The following TTC29 variants were observed in gnomAD, a reference collection of about 807,000 sequenced individuals.
TTC29 encodes the protein tetratricopeptide repeat protein 29.
Under a neutral mutation model 58.1 loss-of-function variants are expected in TTC29, and 49 were observed. That is an observed-to-expected ratio of 0.84 (90% CI 0.67 to 1.07). The LOEUF is 1.07. Ranked by LOEUF, TTC29 falls within the 50% of genes least tolerant of loss-of-function variation. The probability of loss-of-function intolerance (pLI) is 0.00; values close to 1 mark genes in which losing one functional copy is unlikely to be tolerated. For synonymous variants in TTC29, 209 were observed against 196.8 expected, an observed-to-expected ratio of 1.06 and a Z score of -0.52; for missense variants, 582 against 555.6, an observed-to-expected ratio of 1.05 and a Z score of -0.48.
At chr4:146,927,131 G>A (rs1171902604) in intron 4 of TTC29, among the ~76,000 whole-genome samples, 2 of 150,670 alleles carry the variant, frequency 1.3e-5, no homozygotes, top group Non-Finnish European at 3.0e-5. Context: ...TTCAGCACAT[G>A]TATAAATGTG....
At chr4:146,845,640 T>A (rs1167060690) in intron 8 of TTC29, among the ~76,000 whole-genome samples, 1 of 152,128 alleles carries the variant, frequency 6.6e-6, no homozygotes, top group Non-Finnish European at 1.5e-5. Flanking sequence ...AATGTCAATA[T>A]CTACAACTAG....
At chr4:146,943,523 C>T (rs190900579) in intron 2 of TTC29, among the ~76,000 whole-genome samples, 1 of 151,854 alleles carries the variant, frequency 6.6e-6, no homozygotes, top group Non-Finnish European at 1.5e-5. Context: ...AACAGGCTTT[C>T]TCTTTGTTTC....
At chr4:146,914,036 G>A (rs1178738619) in intron 4 of TTC29, among the ~76,000 whole-genome samples, 1 of 152,066 alleles carries the variant, frequency 6.6e-6, no homozygotes, top group Non-Finnish European at 1.5e-5. Flanking sequence ...ATACAAATAT[G>A]CTACTGTTTA....
rs1433248453 is a variant in TTC29 at position 146,809,458 on chromosome 4, G to C, written c.1102-5773C>G. The stretch of plus-strand genomic sequence containing the variant: ...CATCAGAGTGAACAGACAACCTACA[G>C]AATGGGAGAAAATTTTTGCAATCTA... On this transcript the variant is annotated intron_variant, in intron 10 of 12. Transcript: ENST00000325106. Among the ~76,000 whole-genome samples, 2 of 149,598 alleles carry C rather than the reference G, an allele frequency of 1.3e-5. 1 individual carries two copies. Among genetic ancestry groups the C allele is most frequent in the East Asian group, 4.0e-4 (2 of 5,058 alleles).
At chr4:146,752,249 C>T (rs898604421) in intron 11 of TTC29, among the ~76,000 whole-genome samples, 8 of 150,268 alleles carry the variant, frequency 5.3e-5, no homozygotes, top group African/African-American at 1.7e-4. Context: ...GTACAAAAAT[C>T]ACAAGCATTC....
At chr4:146,877,142 A>C (rs1731319659) in intron 6 of TTC29, among the ~76,000 whole-genome samples, 2 of 152,078 alleles carry the variant, frequency 1.3e-5, no homozygotes, top group African/African-American at 4.8e-5. Context: ...CTTGTTACAT[A>C]AACAAGTGTT....
At chr4:146,936,626 A>T (rs186649926) in intron 4 of TTC29, among the ~76,000 whole-genome samples, 423 of 152,236 alleles carry the variant, frequency 2.8e-3, no homozygotes, top group Non-Finnish European at 5.0e-3. Flanking sequence ...AAATTTTGTC[A>T]TTCTATAAAG....
chr4:146,737,339 A>G (rs894834473), intron 11 of TTC29, among the ~76,000 whole-genome samples: 8 of 152,164 alleles, frequency 5.3e-5, no homozygotes, highest in African/African-American at 1.9e-4. Context: ...ATCAACAAGC[A>G]GATATTCCTG....
chr4:146,803,501 G>A lies in TTC29; in HGVS notation c.1286C>T (p.Ser429Leu). ...ADLTSLNYLL[S>L]WKESRGNIEP... ...AATGTTACCTCTGCTCTCCTTCCAT[G>A]ACAGCAGGTAGTTGAGGCTGGTGAG... Residue 429 changes from serine to leucine, a missense_variant, in exon 11 of 13, where the codon TCA becomes TTA. Ser to Leu is a moderately radical substitution (Grantham distance 145). Transcript: ENST00000325106. The A allele has an allele frequency of 1.3e-6, 2 of 1,598,740 alleles. No homozygotes were observed. The highest frequency in any genetic ancestry group is 1.7e-6 in the Non-Finnish European group (2 of 1,171,348).
At chr4:146,822,232 C>T (rs1170401577) in intron 9 of TTC29, among the ~76,000 whole-genome samples, 1 of 152,058 alleles carries the variant, frequency 6.6e-6, no homozygotes, top group African/African-American at 2.4e-5. Context: ...GTTCCCTCCC[C>T]TCAATCCCCA....
intron 2 of TTC29, 83 bp from the exon 3 acceptor site, chr4:146,939,984 G>T: frequency 7.4e-7 from 1 of 1,343,938 alleles, no homozygotes; most frequent in Non-Finnish European, 1.0e-6. Context: ...GAGATTTACA[G>T]TCTGTCATCT....
intron 11 of TTC29, among the ~76,000 whole-genome samples, chr4:146,775,356 TTAAG>T (rs1748012747): frequency 6.6e-6 from 1 of 152,154 alleles, no homozygotes; most frequent in Non-Finnish European, 1.5e-5. Context: ...AGTCTATGTA[TTAAG>T]TGTGTTTTTG....
chr4:146,833,787 T>C lies in TTC29; in HGVS notation c.977+19A>G, dbSNP rs12506386. ...GAGTGAATTCACAGTGACAGCAAGA[T>C]GAGAATGTGCTAACTTACCTCTGCA... On this transcript the variant is annotated intron_variant, in intron 9 of 12. Coordinates refer to ENST00000325106, the MANE Select transcript of TTC29 (RefSeq NM_031956.4). The C allele has an allele frequency of 0.054, 85,484 of 1,594,086 alleles. 3,172 individuals are homozygous for C. Among genetic ancestry groups the C allele is most frequent in the Admixed American group, 0.18 (10,496 of 59,866 alleles).
chr4:146,737,128 T>A (rs1744762342), intron 11 of TTC29, among the ~76,000 whole-genome samples: 1 of 152,250 alleles, frequency 6.6e-6, no homozygotes, highest in South Asian at 2.1e-4. Flanking sequence ...TGAACAGTGA[T>A]AGAAGCTCCT....
At chr4:146,815,577 T>C (rs951524240) in intron 10 of TTC29, among the ~76,000 whole-genome samples, 14 of 152,118 alleles carry the variant, frequency 9.2e-5, no homozygotes, top group African/African-American at 3.4e-4. Flanking sequence ...TTAAAAGCCA[T>C]GGGCCTGGAT....
At chr4:146,741,858 A>T (rs1745178221) in intron 11 of TTC29, among the ~76,000 whole-genome samples, 1 of 152,192 alleles carries the variant, frequency 6.6e-6, no homozygotes, top group South Asian at 2.1e-4. Flanking sequence ...CTCCTAAGTT[A>T]GGTGCTTCGC....
chr4:146,763,887 T>C (rs539984240), intron 11 of TTC29: 2 of 152,188 alleles, frequency 1.3e-5, no homozygotes, highest in East Asian at 3.9e-4. Flanking sequence ...TTAATATTTA[T>C]AGGCTGACTC....
chr4:146,942,031 T>C (rs770658972), intron 2 of TTC29, among the ~76,000 whole-genome samples: 3 of 152,216 alleles, frequency 2.0e-5, no homozygotes, highest in Admixed American at 6.5e-5. Context: ...GAAAATCTTC[T>C]GAAATTCAGT....
chr4:146,739,139 G>C (rs889276492), intron 11 of TTC29, among the ~76,000 whole-genome samples: 3 of 152,112 alleles, frequency 2.0e-5, no homozygotes, highest in African/African-American at 7.2e-5. Flanking sequence ...TATTACATTG[G>C]AGAGATAACT....
Sources: gnomAD v4.1 joint callset for allele counts (sites outside exome capture counted in the v4.1 genomes callset) on GRCh38, gnomAD v4.1.1 for gene constraint, MANE v1.5 for transcripts, NCBI Gene and HGNC (gene_info 2026-07-23, HGNC 2026-07-21) for gene names.